Variants in AGAP1 observed in about 807,000 individuals in gnomAD.
The protein encoded by AGAP1 is ArfGAP with GTPase domain, ankyrin repeat and PH domain 1, also known as arf-GAP with GTPase, ANK repeat and PH domain-containing protein 1.
AGAP1 carries 29 observed loss-of-function variants against 105.3 expected under a neutral mutation model. That is an observed-to-expected ratio of 0.28 (90% CI 0.21 to 0.38). AGAP1 has a LOEUF of 0.38. AGAP1 is among the 10% of genes least tolerant of loss of function. AGAP1 has a pLI of 1.00. For missense variants in AGAP1, 998 were observed against 1,165.1 expected, an observed-to-expected ratio of 0.86 and a Z score of 2.09; for synonymous variants, 509 against 485.9, an observed-to-expected ratio of 1.05 and a Z score of -0.63.
chr2:235,895,349 A>G (rs2050752355), intron 10 of AGAP1, among the ~76,000 whole-genome samples: 1 of 131,112 alleles, frequency 7.6e-6, no homozygotes, highest in Non-Finnish European at 1.7e-5. Context: ...GCCTCCTCAG[A>G]CTGGCCTCTC....
In AGAP1 at chr2:235,655,440, A is replaced by G. The variant is rs1947741713; in HGVS notation, c.164-53739A>G. ...CAGGGATCTCCTTAAGTGTTGCAGA[A>G]TCACACCTGGACAACCCAGGTGCCC... On this transcript the variant is annotated intron_variant, in intron 1 of 17. Coordinates refer to ENST00000304032, the MANE Select transcript of AGAP1 (RefSeq NM_001037131.3). The surrounding 1 kb of genome is among the most constrained non-coding windows in gnomAD (Gnocchi z 4.3). Among the ~76,000 whole-genome samples the G allele has an allele frequency of 6.6e-6, 1 of 152,200 alleles. No homozygotes were observed. Among genetic ancestry groups the G allele is most frequent in the Admixed American group, 6.5e-5 (1 of 15,282 alleles).
At chr2:235,806,952 A>T (rs980979026) in intron 8 of AGAP1, among the ~76,000 whole-genome samples, 2 of 152,126 alleles carry the variant, frequency 1.3e-5, no homozygotes, top group African/African-American at 4.8e-5. Context: ...ACTTTCCCAT[A>T]TGGCCCATTG....
chr2:235,983,330 CT>C lies in AGAP1; in HGVS notation c.1645+14711del, dbSNP rs1261665587. Among the ~76,000 whole-genome samples the C allele has an allele frequency of 6.6e-6, 1 of 152,210 alleles. No homozygotes were observed. Among genetic ancestry groups the C allele is most frequent in the Non-Finnish European group, 1.5e-5 (1 of 68,034 alleles). Reference sequence around the variant, plus strand: ...GCTTCTCCCCTTGCTAGGCCCCCTCCTTTTGTTCAGCTCCTCCTCTCCAGCA... The same window carrying C: ...GCTTCTCCCCTTGCTAGGCCCCCTCCTTTGTTCAGCTCCTCCTCTCCAGCA... On this transcript the variant is annotated intron_variant, in intron 13 of 17. Coordinates refer to ENST00000304032, the MANE Select transcript of AGAP1 (RefSeq NM_001037131.3). This position sits in a 1 kb window ranked among gnomAD's most constrained non-coding sequence, Gnocchi z 4.5.
chr2:236,077,126 GAAAA>G (rs200778447), intron 16 of AGAP1, among the ~76,000 whole-genome samples: 6,023 of 117,468 alleles, frequency 0.051, 355 homozygotes, highest in African/African-American at 0.15. Context: ...AAAAAGAGTA[GAAAA>G]AAAAAAAAAA....
chr2:235,788,800 G>A lies in AGAP1; in HGVS notation c.674-8959G>A, dbSNP rs1559490025. ...CCCTCAGAAGCGCGCATTCAGACCG[G>A]CAGTAGACAAAACCAGCTGCGGGGC... is the stretch of plus-strand genomic sequence containing the variant. On this transcript the variant is annotated intron_variant, in intron 6 of 17. Transcript: ENST00000304032. This position sits in a 1 kb window ranked among gnomAD's most constrained non-coding sequence, Gnocchi z 6.0. Among the ~76,000 whole-genome samples the A allele has an allele frequency of 6.6e-6, 1 of 152,182 alleles. No homozygotes were observed. The highest frequency in any genetic ancestry group is 6.5e-5 in the Admixed American group (1 of 15,280).
chr2:236,010,745 C>T (rs927557111), intron 13 of AGAP1, among the ~76,000 whole-genome samples: 14 of 152,228 alleles, frequency 9.2e-5, no homozygotes, highest in African/African-American at 1.2e-4. Flanking sequence ...GTGTGTTTTC[C>T]GGAAAATTAA....
chr2:235,910,006 G>A (rs998715071), intron 11 of AGAP1, among the ~76,000 whole-genome samples: 23 of 125,340 alleles, frequency 1.8e-4, no homozygotes, highest in African/African-American at 6.6e-4. Context: ...GGGTGACAGC[G>A]AGACTCTATC....
In AGAP1 at chr2:235,995,663, G is replaced by A. The variant is rs561066661; in HGVS notation, c.1645+27040G>A. ...CAGGGCAGCTTGACACTGCGGGTCC[G>A]ATTCTGCCATCAAGAAAGCTGCACA... On this transcript the variant is annotated intron_variant, in intron 13 of 17. Coordinates refer to ENST00000304032, the MANE Select transcript of AGAP1 (RefSeq NM_001037131.3). Among the ~76,000 whole-genome samples the A allele has an allele frequency of 1.7e-4, 26 of 152,306 alleles. No homozygotes were observed. In the South Asian group the frequency reaches 4.8e-3, roughly 28 times the overall value.
rs754120759 is a variant in AGAP1 at position 235,700,628 on chromosome 2, C to G, written c.164-8551C>G. 6.6e-6 allele frequency among the ~76,000 whole-genome samples: 1 copy of G among 151,956 alleles called. No homozygotes were observed. The highest frequency in any genetic ancestry group is 1.5e-5 in the Non-Finnish European group (1 of 68,000). On this transcript the variant is annotated intron_variant, in intron 1 of 17. Coordinates refer to ENST00000304032, the MANE Select transcript of AGAP1 (RefSeq NM_001037131.3). This position sits in a 1 kb window ranked among gnomAD's most constrained non-coding sequence, Gnocchi z 6.1. ...CAGCCTGGGGAACATGGCGAAACCCCGTCTCTACTGAAAATACAAAAATTA... is the reference window on the plus strand; with the variant it reads ...CAGCCTGGGGAACATGGCGAAACCCGGTCTCTACTGAAAATACAAAAATTA...
intron 1 of AGAP1, among the ~76,000 whole-genome samples, chr2:235,656,896 G>A (rs939899581): frequency 3.9e-5 from 6 of 152,152 alleles, no homozygotes; most frequent in African/African-American, 1.4e-4. Context: ...ATCCTATTCG[G>A]TTTTGCACTA....
chr2:235,683,371 G>A (rs1031343720), intron 1 of AGAP1, among the ~76,000 whole-genome samples: 3 of 151,938 alleles, frequency 2.0e-5, no homozygotes, highest in African/African-American at 7.2e-5. Flanking sequence ...AACTATTTTA[G>A]ATACCATTGT....
intron 16 of AGAP1, among the ~76,000 whole-genome samples, chr2:236,097,455 C>T (rs1436380483): frequency 6.1e-5 from 8 of 130,086 alleles, no homozygotes; most frequent in East Asian, 4.8e-4. Flanking sequence ...TGCAGTGGCG[C>T]GACCTTGGCT....
At chr2:235,687,539 C>T (rs904151953) in intron 1 of AGAP1, among the ~76,000 whole-genome samples, 21 of 152,110 alleles carry the variant, frequency 1.4e-4, no homozygotes, top group African/African-American at 5.1e-4. Context: ...AGGTGAGTTT[C>T]CAAACAGATA....
At chr2:235,871,904 C>T (rs1381166345) in intron 9 of AGAP1, among the ~76,000 whole-genome samples, 2 of 152,188 alleles carry the variant, frequency 1.3e-5, no homozygotes, top group Non-Finnish European at 2.9e-5. Flanking sequence ...TATACAGGGA[C>T]ACCAGTGCCA....
At position 236,009,789 on chromosome 2, in the gene AGAP1, C is replaced by T. The variant is rs551608113; in HGVS notation, c.1646-26772C>T. ...TCACGCCAAGGATGTAATTCATGCACACTTGGACGTCCAACATGGCTGACG... is the reference window on the plus strand; with the variant it reads ...TCACGCCAAGGATGTAATTCATGCATACTTGGACGTCCAACATGGCTGACG... On this transcript the variant is annotated intron_variant, in intron 13 of 17. Coordinates refer to ENST00000304032, the MANE Select transcript of AGAP1 (RefSeq NM_001037131.3). The surrounding 1 kb of genome is among the most constrained non-coding windows in gnomAD (Gnocchi z 4.2). Among the ~76,000 whole-genome samples, 2 of 152,328 alleles carry T rather than the reference C, an allele frequency of 1.3e-5. No individual in the cohort carries two copies. The highest frequency in any genetic ancestry group is 1.3e-4 in the Admixed American group (2 of 15,306).
intron 17 of AGAP1, among the ~76,000 whole-genome samples, chr2:236,122,714 A>C (rs1576356149): frequency 8.3e-6 from 1 of 120,752 alleles, no homozygotes; most frequent in Admixed American, 1.0e-4. Flanking sequence ...ACAGAGTCTC[A>C]CTCTGTCTCC....
chr2:236,026,325 G>A (rs2057052131), intron 13 of AGAP1, among the ~76,000 whole-genome samples: 1 of 152,220 alleles, frequency 6.6e-6, no homozygotes, highest in African/African-American at 2.4e-5. Flanking sequence ...CAGGGAGCCA[G>A]ACACCCGGCA....
At chr2:235,762,439 G>A (rs190503377) in intron 6 of AGAP1, among the ~76,000 whole-genome samples, 18,114 of 89,498 alleles carry the variant, frequency 0.2, 1,408 homozygotes, top group Middle Eastern at 0.3. Context: ...TTCTGGAATC[G>A]GGTGAGTTTG....
chr2:235,857,686 A>G (rs1198731548), intron 9 of AGAP1, among the ~76,000 whole-genome samples: 1 of 152,254 alleles, frequency 6.6e-6, no homozygotes, highest in Non-Finnish European at 1.5e-5. Context: ...CGGTTTGCCA[A>G]CTAGCTTTTG....
Sources: gnomAD v4.1 joint callset for allele counts (sites outside exome capture counted in the v4.1 genomes callset) on GRCh38, gnomAD v4.1.1 for gene constraint, Gnocchi (gnomAD v3.1) non-coding constraint, MANE v1.5 for transcripts, NCBI Gene and HGNC (gene_info 2026-07-23, HGNC 2026-07-21) for gene names.